Variants in SPAG16 observed in about 807,000 individuals in gnomAD.
SPAG16 encodes sperm associated antigen 16, also known as sperm-associated antigen 16 protein.
In SPAG16, 86 loss-of-function variants were observed where a neutral mutation model predicts 80.4. The ratio of observed to expected loss-of-function variants is 1.07; its 90% confidence interval spans 0.90 to 1.28. SPAG16 has a LOEUF of 1.28. SPAG16 is among the 50% of genes most tolerant of loss of function. The pLI is 0.00. For missense variants in SPAG16, 870 were observed against 765.3 expected, an observed-to-expected ratio of 1.14 and a Z score of -1.61; for synonymous variants, 294 against 265.9, an observed-to-expected ratio of 1.11 and a Z score of -1.03.
At chr2:213,794,606 T>C (rs922039617) in intron 10 of SPAG16, among the ~76,000 whole-genome samples, 4 of 152,146 alleles carry the variant, frequency 2.6e-5, no homozygotes, top group Non-Finnish European at 4.4e-5. Context: ...AAAATGTTGT[T>C]GGACTGGTAG....
At chr2:213,339,513 G>T (rs1369140726) in intron 5 of SPAG16, among the ~76,000 whole-genome samples, 1 of 152,138 alleles carries the variant, frequency 6.6e-6, no homozygotes, top group East Asian at 1.9e-4. Flanking sequence ...GGATTAGAAA[G>T]AATCCTTTAG....
At chr2:213,860,878 C>T (rs1463761986) in intron 10 of SPAG16, among the ~76,000 whole-genome samples, 3 of 152,138 alleles carry the variant, frequency 2.0e-5, no homozygotes, top group Non-Finnish European at 2.9e-5. Flanking sequence ...ATACATCATA[C>T]TCAGTAGCTT....
intron 9 of SPAG16, chr2:213,422,324 A>C (rs1026929588): frequency 1.4e-6 from 1 of 701,316 alleles, no homozygotes. Context: ...CATCTGATCC[A>C]GCTCCAGGCT....
rs1028414520 is a variant in SPAG16, at chr2:214,217,640, A to G, written c.1720+68374A>G. On this transcript the variant is annotated intron_variant, in intron 15 of 15. Coordinates refer to ENST00000331683, the MANE Select transcript of SPAG16 (RefSeq NM_024532.5). ...AGCCACTAGGCTATACACACTTTCCACATGCTAAAAGAATAGGCCACAATT... is the reference window on the plus strand; with the variant it reads ...AGCCACTAGGCTATACACACTTTCCGCATGCTAAAAGAATAGGCCACAATT... 2.5e-4 allele frequency among the ~76,000 whole-genome samples: 38 copies of G among 152,268 alleles called. 1 individual carries two copies. Among genetic ancestry groups the G allele is most frequent in the Non-Finnish European group, 2.9e-5 (2 of 68,044 alleles).
intron 15 of SPAG16, among the ~76,000 whole-genome samples, chr2:214,202,178 C>G (rs2058027625): frequency 6.6e-6 from 1 of 152,146 alleles, no homozygotes; most frequent in Non-Finnish European, 1.5e-5. Flanking sequence ...CGTTTATTTA[C>G]TTTGGATGTG....
In SPAG16 at chr2:214,410,273, C is replaced by G; in HGVS notation, c.1854C>G (p.Leu618=). The G allele has an allele frequency of 3.1e-6, 5 of 1,610,184 alleles. No homozygotes were observed. The highest frequency in any genetic ancestry group is 4.2e-6 in the Non-Finnish European group (5 of 1,176,652). ...TVVFSHDGEI[L]FSGGSDGTVR... ...TGTTTTCTCACGACGGGGAGATTCT[C>G]TTTTCTGGAGGCTCTGACGGCACAG... is the stretch of plus-strand genomic sequence containing the variant. Residue 618 remains leucine, a synonymous_variant, in exon 16 of 16, where the codon CTC becomes CTG. Coordinates refer to ENST00000331683, the MANE Select transcript of SPAG16 (RefSeq NM_024532.5).
chr2:213,424,752 A>C (rs927817625), intron 9 of SPAG16, among the ~76,000 whole-genome samples: 2 of 152,174 alleles, frequency 1.3e-5, no homozygotes, highest in African/African-American at 4.8e-5. Flanking sequence ...TTTTAAAGAT[A>C]CCCTTTTACA....
chr2:214,182,033 AG>A (rs1274080888), intron 15 of SPAG16, among the ~76,000 whole-genome samples: 1 of 151,850 alleles, frequency 6.6e-6, no homozygotes, highest in Non-Finnish European at 1.5e-5. Context: ...TTATCTAAAA[AG>A]CTTCATGGTC....
At chr2:213,932,824 A>G (rs2078824072) in intron 12 of SPAG16, among the ~76,000 whole-genome samples, 1 of 152,234 alleles carries the variant, frequency 6.6e-6, no homozygotes, top group Non-Finnish European at 1.5e-5. Context: ...ATTATCTATG[A>G]CACTCAGTCT....
intron 15 of SPAG16, among the ~76,000 whole-genome samples, chr2:214,329,537 AT>A (rs1696746913): frequency 6.6e-6 from 1 of 152,232 alleles, no homozygotes; most frequent in African/African-American, 2.4e-5. Flanking sequence ...ACTTTATTGA[AT>A]GTCTTAAATC....
chr2:214,183,532 ATTTTTC>A (rs2125676992), intron 15 of SPAG16, among the ~76,000 whole-genome samples: 1 of 152,068 alleles, frequency 6.6e-6, no homozygotes, highest in African/African-American at 2.4e-5. Flanking sequence ...GAAGTGGCTC[ATTTTTC>A]TTCAATAAAG....
intron 15 of SPAG16, among the ~76,000 whole-genome samples, chr2:214,172,598 T>C (rs987868476): frequency 6.6e-6 from 1 of 152,154 alleles, no homozygotes; most frequent in Non-Finnish European, 1.5e-5. Context: ...TGATTTATAG[T>C]CCTTTGGGTA....
chr2:213,483,470 G>T (rs2125704332), intron 9 of SPAG16, among the ~76,000 whole-genome samples: 1 of 152,280 alleles, frequency 6.6e-6, no homozygotes, highest in South Asian at 2.1e-4. Context: ...TTATATTAAT[G>T]CTTACAGATA....
In SPAG16 at chr2:213,615,215, C is replaced by T. The variant is rs530655232; in HGVS notation, c.1070+125125C>T. 5.3e-5 allele frequency among the ~76,000 whole-genome samples: 8 copies of T among 152,296 alleles called. No homozygotes were observed. The East Asian group carries it at 1.3e-3, about 26-fold the overall frequency. On this transcript the variant is annotated intron_variant, in intron 10 of 15. Transcript: ENST00000331683. ...CATGTCTTGCCAGATGATAAAAACC[C>T]ACCTACAGGAGTACCAAAATTGTTA... is the stretch of plus-strand genomic sequence containing the variant.
intron 10 of SPAG16, among the ~76,000 whole-genome samples, chr2:213,860,342 GAT>G (rs57174578): frequency 0.27 from 38,392 of 141,350 alleles, 5,300 homozygotes; most frequent in South Asian, 0.38. Flanking sequence ...GTCATTTACA[GAT>G]ATATATATAT....
chr2:214,261,107 C>CAAAAAAAAAA lies in SPAG16; in HGVS notation c.1720+111878_1720+111887dup, dbSNP rs558534808. ...GGGCTACAAGAGCAAGACTCAGTCTCAAAAAAAAAAAAAAAAAAAAAAAAA... is the reference window on the plus strand; with the variant it reads ...GGGCTACAAGAGCAAGACTCAGTCTCAAAAAAAAAAAAAAAAAAAAAAAAAAAAAAAAAAA... On this transcript the variant is annotated intron_variant, in intron 15 of 15. Transcript: ENST00000331683. Among the ~76,000 whole-genome samples the CAAAAAAAAAA allele has an allele frequency of 2.0e-4, 11 of 54,470 alleles. 1 individual carries two copies. The highest frequency in any genetic ancestry group is 1.3e-3 in the East Asian group (2 of 1,564). 35.7% of individuals were successfully genotyped at this position (54,470 alleles called of 152,430 possible). A position where few individuals can be genotyped will look rare whatever the true frequency, so the allele number is the denominator to read the frequency against.
intron 15 of SPAG16, among the ~76,000 whole-genome samples, chr2:214,257,132 TTAAG>T (rs1416567788): frequency 6.6e-6 from 1 of 151,962 alleles, no homozygotes; most frequent in Non-Finnish European, 1.5e-5. Flanking sequence ...AAATGCATTC[TTAAG>T]TAATAGCATG....
chr2:214,062,061 T>A (rs140556924), intron 13 of SPAG16, among the ~76,000 whole-genome samples: 2 of 151,324 alleles, frequency 1.3e-5, no homozygotes, highest in Non-Finnish European at 2.9e-5. Flanking sequence ...TACAGTGATA[T>A]GTTAAAATGT....
intron 9 of SPAG16, among the ~76,000 whole-genome samples, chr2:213,420,723 A>G (rs1259089290): frequency 1.3e-5 from 2 of 152,224 alleles, no homozygotes; most frequent in South Asian, 2.1e-4. Context: ...GAAGCAATAC[A>G]TATTTGCTAT....
Sources: gnomAD v4.1 joint callset for allele counts (sites outside exome capture counted in the v4.1 genomes callset) on GRCh38, gnomAD v4.1.1 for gene constraint, MANE v1.5 for transcripts, NCBI Gene and HGNC (gene_info 2026-07-23, HGNC 2026-07-21) for gene names.